ATL2: variants seen among roughly 807,000 people sequenced by gnomAD.
ATL2 encodes the protein atlastin GTPase 2, also known as atlastin-2.
Under a neutral mutation model 73.9 loss-of-function variants are expected in ATL2, and 31 were observed. The ratio of observed to expected loss-of-function variants is 0.42; its 90% CI spans 0.32 to 0.57. The LOEUF is 0.57. Ranked by LOEUF, ATL2 falls within the 20% of genes least tolerant of loss-of-function variation. ATL2 has a pLI of 0.14. For synonymous variants in ATL2, 291 were observed against 237.5 expected, an observed-to-expected ratio of 1.23 and a Z score of -2.07; for missense variants, 738 against 702.6, an observed-to-expected ratio of 1.05 and a Z score of -0.57.
chr2:38,344,315 T>C (rs985560054), intron 1 of ATL2, among the ~76,000 whole-genome samples: 5 of 152,098 alleles, frequency 3.3e-5, no homozygotes, highest in Non-Finnish European at 7.4e-5. Context: ...ATTAAAAACA[T>C]ATATTAAAAT....
chr2:38,343,162 A>G, intron 2 of ATL2, 106 bp downstream of exon 2: 2 of 435,066 alleles, frequency 4.6e-6, no homozygotes, highest in Admixed American at 1.4e-4. Flanking sequence ...AAAAAAAAAA[A>G]AAAAAAAAAA....
chr2:38,340,594 AAAACTT>A (rs61283245), intron 2 of ATL2, among the ~76,000 whole-genome samples: 15,609 of 152,020 alleles, frequency 0.1, 2,623 homozygotes, highest in African/African-American at 0.35. Context: ...GTCAACACTG[AAAACTT>A]AAACTGTCAG....
intron 1 of ATL2, among the ~76,000 whole-genome samples, chr2:38,348,490 A>C (rs372043497): frequency 6.6e-6 from 1 of 152,152 alleles, no homozygotes; most frequent in African/African-American, 2.4e-5. Flanking sequence ...TTATGAACCA[A>C]GTAAAACACT....
chr2:38,334,896 AT>A (rs1669237981), intron 2 of ATL2, among the ~76,000 whole-genome samples: 1 of 25,548 alleles, frequency 3.9e-5, no homozygotes, highest in African/African-American at 7.9e-5. Flanking sequence ...TATATAATAT[AT>A]ATTATTTATA....
Position 38,362,778 on chromosome 2 carries a change from T to C in ATL2, c.118+14365A>G, listed in dbSNP as rs56758488. ...CCTAAAGACAGAGCAATAGAAAACA[T>C]ATGTGTGATGTCAGCTAGTGTTAAG... On this transcript the variant is annotated intron_variant, in intron 1 of 12. Coordinates refer to ENST00000378954, the MANE Select transcript of ATL2 (RefSeq NM_001135673.4). 6.9e-3 allele frequency among the ~76,000 whole-genome samples: 1,053 copies of C among 152,130 alleles called. 12 individuals are homozygous for C. Among genetic ancestry groups the C allele is most frequent in the East Asian group, 0.058 (301 of 5,180 alleles).
At position 38,346,395 on chromosome 2, in the gene ATL2, G is replaced by A. The variant is rs1167405365; in HGVS notation, c.119-2883C>T. On this transcript the variant is annotated intron_variant, in intron 1 of 12. Coordinates refer to ENST00000378954, the MANE Select transcript of ATL2 (RefSeq NM_001135673.4). Reference sequence around the variant, plus strand: ...CCTCCTTAAAATCACTGTTACAGAGGACTAATGACTAAAATCCTACACATG... The same window carrying A: ...CCTCCTTAAAATCACTGTTACAGAGAACTAATGACTAAAATCCTACACATG... Among the ~76,000 whole-genome samples, 3 of 152,124 alleles carry A rather than the reference G, an allele frequency of 2.0e-5. No individual in the cohort carries two copies. In the East Asian group the frequency reaches 5.8e-4, roughly 29 times the overall value.
rs1421133904 is a variant in ATL2 at position 38,310,544 on chromosome 2, A to AG, written c.805-98_805-97insC. On this transcript the variant is annotated intron_variant, in intron 7 of 12. Transcript: ENST00000378954. Reference sequence around the variant, plus strand: ...ACTCGCATGCACACTATGCACACTTAACTCAGATGGTACTCCTAAGGAGTC... The same window carrying AG: ...ACTCGCATGCACACTATGCACACTTAGACTCAGATGGTACTCCTAAGGAGTC... The AG allele has an allele frequency of 2.9e-5, 30 of 1,027,504 alleles. No homozygotes were observed. The African/African-American group carries it at 4.3e-4, about 15-fold the overall frequency. The allele number at this position is 1,027,504 out of a possible 1,614,324, so 63.6% of individuals were successfully genotyped here. A position where few individuals can be genotyped will look rare whatever the true frequency, so the allele number is the denominator to read the frequency against.
upstream of ATL2, among the ~76,000 whole-genome samples, chr2:38,377,485 GCAGATCCGTCTCC>G (rs1194561673): frequency 6.8e-6 from 1 of 146,632 alleles, no homozygotes; most frequent in Non-Finnish European, 1.5e-5. Context: ...CTGCCCGCCT[GCAGATCCGTCTCC>G]CCGGCTCCAA....
intron 1 of ATL2, chr2:38,376,014 C>T (rs1232222821): frequency 8.4e-6 from 11 of 1,312,034 alleles, no homozygotes; most frequent in African/African-American, 4.4e-5. Context: ...AAATGCTTTA[C>T]ATTTTATCCA....
At chr2:38,376,229 G>C (rs1367115178) in intron 1 of ATL2, 5 of 1,473,404 alleles carry the variant, frequency 3.4e-6, no homozygotes, top group Non-Finnish European at 4.5e-6. Flanking sequence ...CACAGTGAGA[G>C]ATCAAACGCT....
chr2:38,327,184 G>A (rs751792735), intron 2 of ATL2, among the ~76,000 whole-genome samples: 1 of 151,990 alleles, frequency 6.6e-6, no homozygotes, highest in Non-Finnish European at 1.5e-5. Context: ...AAAGGAAAAT[G>A]ATATAGGTCA....
intron 8 of ATL2, 76 bp downstream of exon 8, chr2:38,310,233 G>T (rs925491208): frequency 1.9e-5 from 28 of 1,485,740 alleles, no homozygotes; most frequent in Non-Finnish European, 2.6e-5. Flanking sequence ...GACATTTAAG[G>T]CGTCATGTAT....
chr2:38,326,565 C>T (rs1668674006), intron 2 of ATL2, among the ~76,000 whole-genome samples: 1 of 152,112 alleles, frequency 6.6e-6, no homozygotes, highest in Non-Finnish European at 1.5e-5. Context: ...CCAAAAAAAT[C>T]CACACTAGGT....
Position 38,318,630 on chromosome 2 carries a change from GC to G in ATL2, c.507del (p.Leu170CysfsTer24). On this transcript the variant is annotated frameshift_variant, in exon 4 of 13. Transcript: ENST00000378954. LOFTEE classifies it high-confidence loss of function. ...AAGGCACCCTGGGTATCCATAAGCAGCACAGCAACCTAGGAATTTGAGAGTT... is the reference window on the plus strand; with the variant it reads ...AAGGCACCCTGGGTATCCATAAGCAGACAGCAACCTAGGAATTTGAGAGTT... ...IDRPNGTKVA[V>X]LLMDTQGAFD... The G allele has an allele frequency of 6.3e-7, 1 of 1,598,732 alleles. No homozygotes were observed. The highest frequency in any genetic ancestry group is 8.5e-7 in the Non-Finnish European group (1 of 1,175,576).
At chr2:38,313,816 A>C (rs1667884070) in intron 6 of ATL2, among the ~76,000 whole-genome samples, 1 of 152,178 alleles carries the variant, frequency 6.6e-6, no homozygotes, top group Admixed American at 6.5e-5. Context: ...AGAGGCACTA[A>C]GCTCTCCCAC....
At chr2:38,296,321 T>C in intron 12 of ATL2, 1 of 1,446,800 alleles carries the variant, frequency 6.9e-7, no homozygotes, top group African/African-American at 1.4e-5. Flanking sequence ...TTCAAACCAT[T>C]TACAATTCCT....
At chr2:38,378,304 C>G (rs1037080710), upstream of ATL2, among the ~76,000 whole-genome samples, 1 of 152,224 alleles carries the variant, frequency 6.6e-6, no homozygotes, top group African/African-American at 2.4e-5. Context: ...AAATACCATT[C>G]TAGGTAGGGC....
rs765533226 is a variant in ATL2 at position 38,318,521 on chromosome 2, A to G, written c.603+14T>C. Reference sequence around the variant, plus strand: ...TTACGTGAACTGATCGCACCACTTAATCTTGTGTCTCACCTGGACAGAGCT... The same window carrying G: ...TTACGTGAACTGATCGCACCACTTAGTCTTGTGTCTCACCTGGACAGAGCT... On this transcript the variant is annotated intron_variant, in intron 4 of 12. Coordinates refer to ENST00000378954, the MANE Select transcript of ATL2 (RefSeq NM_001135673.4). 6.4e-7 allele frequency: 1 copy of G among 1,558,664 alleles called. No homozygotes were observed. The highest frequency in any genetic ancestry group is 2.3e-5 in the East Asian group (1 of 44,280).
rs1284814209 is a variant in ATL2, at chr2:38,295,929, T to A, written c.*65A>T. The A allele has an allele frequency of 3.0e-6, 4 of 1,347,282 alleles. No homozygotes were observed. In the East Asian group the frequency reaches 1.0e-4, roughly 34 times the overall value. 83.5% of individuals were successfully genotyped at this position (1,347,282 alleles called of 1,614,324 possible). A position where few individuals can be genotyped will look rare whatever the true frequency, so the allele number is the denominator to read the frequency against. The stretch of plus-strand genomic sequence containing the variant: ...ATTGTAAACTTTGGTTTATTTTTAT[T>A]TGAGTTCTCATTGTACAGCAAGCAT... On this transcript the variant is annotated 3_prime_UTR_variant, in exon 13 of 13. Transcript: ENST00000378954.
Sources: allele counts gnomAD v4.1 joint callset (sites outside exome capture counted in the v4.1 genomes callset), GRCh38; gene constraint gnomAD v4.1.1; transcripts MANE v1.5; gene names NCBI Gene and HGNC (gene_info 2026-07-23, HGNC 2026-07-21).